Variants in TMEM135 observed in about 807,000 individuals in gnomAD.
TMEM135 encodes the protein transmembrane protein 135, also known as peroxisomal membrane protein 52.
TMEM135 carries 30 observed loss-of-function variants against 60.3 expected under a neutral mutation model. The ratio of observed to expected loss-of-function variants is 0.50; its 90% CI spans 0.37 to 0.68. The LOEUF is 0.68. Among genes scored for constraint, TMEM135 ranks in the 30% least tolerant of loss-of-function variants. The probability of loss-of-function intolerance (pLI) is 0.00; values close to 1 mark genes in which losing one functional copy is unlikely to be tolerated. For synonymous variants in TMEM135, 190 were observed against 186.7 expected, an observed-to-expected ratio of 1.02 and a Z score of -0.14; for missense variants, 468 against 548.8, an observed-to-expected ratio of 0.85 and a Z score of 1.47.
chr11:87,099,702 T>TTTTTTTGG, intron 4 of TMEM135, among the ~76,000 whole-genome samples: 1 of 121,850 alleles, frequency 8.2e-6, no homozygotes, highest in Non-Finnish European at 1.6e-5. Flanking sequence ...TTTTTTTTTT[T>TTTTTTTGG]GAGGCAGAGT....
chr11:87,110,701 C>T (rs1333091904), intron 4 of TMEM135, among the ~76,000 whole-genome samples: 1 of 151,714 alleles, frequency 6.6e-6, no homozygotes, highest in East Asian at 1.9e-4. Context: ...ATGTTTTTTT[C>T]GTAACATTCT....
intron 5 of TMEM135, among the ~76,000 whole-genome samples, chr11:87,212,401 A>G (rs1940391274): frequency 6.6e-6 from 1 of 152,214 alleles, no homozygotes; most frequent in African/African-American, 2.4e-5. Flanking sequence ...ACAGTTGAAT[A>G]TATTAATAAT....
chr11:87,222,010 C>T (rs1940629809), intron 5 of TMEM135, among the ~76,000 whole-genome samples: 2 of 151,120 alleles, frequency 1.3e-5, no homozygotes, highest in African/African-American at 2.4e-5. Context: ...ATCGAAACCC[C>T]GTCTCTACTA....
intron 1 of TMEM135, among the ~76,000 whole-genome samples, chr11:87,066,105 TG>T (rs754814878): frequency 2.6e-5 from 4 of 152,214 alleles, no homozygotes; most frequent in Non-Finnish European, 5.9e-5. Context: ...TTAGATTTGT[TG>T]ATCACTGACT....
At chr11:87,290,969 A>G (rs1163063859) in intron 6 of TMEM135, among the ~76,000 whole-genome samples, 3 of 152,226 alleles carry the variant, frequency 2.0e-5, no homozygotes, top group Admixed American at 2.0e-4. Flanking sequence ...AAAGAATGTG[A>G]TTAGGATAAA....
intron 4 of TMEM135, among the ~76,000 whole-genome samples, chr11:87,112,156 A>G (rs1388710424): frequency 1.3e-5 from 2 of 152,210 alleles, no homozygotes; most frequent in Non-Finnish European, 2.9e-5. Context: ...ATAAAAATTT[A>G]GCACTACTAT....
chr11:87,090,223 A>C (rs1857178320), intron 3 of TMEM135, among the ~76,000 whole-genome samples: 1 of 152,058 alleles, frequency 6.6e-6, no homozygotes, highest in Non-Finnish European at 1.5e-5. Flanking sequence ...TTCTTTAATA[A>C]TTTTTATGTT....
rs1008524200 is a variant in TMEM135 at position 87,323,578 on chromosome 11, T to C, written c.*2245T>C. On this transcript the variant is annotated 3_prime_UTR_variant, in exon 15 of 15. Transcript: ENST00000305494. ...TCCTGAAGAAATGGTAAGTTTTCAC[T>C]GGAACTGATTACAGTAAACAATAAT... 1.1e-5 allele frequency: 5 copies of C among 453,416 alleles called. No homozygotes were observed. Among genetic ancestry groups the C allele is most frequent in the South Asian group, 6.2e-5 (4 of 64,230 alleles). 28.1% of individuals were successfully genotyped at this position (453,416 alleles called of 1,614,324 possible). A position where few individuals can be genotyped will look rare whatever the true frequency, so the allele number is the denominator to read the frequency against.
intron 6 of TMEM135, among the ~76,000 whole-genome samples, chr11:87,248,209 G>A (rs628681): frequency 0.73 from 110,499 of 151,948 alleles, 40,667 homozygotes; most frequent in African/African-American, 0.77. Context: ...TCTTTTGGGA[G>A]TACACCTAGC....
chr11:87,134,521 C>T (rs1938036835), intron 4 of TMEM135, among the ~76,000 whole-genome samples: 1 of 152,202 alleles, frequency 6.6e-6, no homozygotes, highest in Non-Finnish European at 1.5e-5. Context: ...CTTGCTCTAT[C>T]ATCCAGGCTG....
intron 5 of TMEM135, among the ~76,000 whole-genome samples, chr11:87,222,936 T>C (rs954273941): frequency 1.3e-5 from 2 of 152,172 alleles, no homozygotes; most frequent in African/African-American, 4.8e-5. Context: ...CATCTTGTAG[T>C]GATAGACTGG....
intron 5 of TMEM135, among the ~76,000 whole-genome samples, chr11:87,158,977 C>T (rs1015133121): frequency 5.3e-5 from 8 of 152,092 alleles, no homozygotes; most frequent in African/African-American, 1.9e-4. Flanking sequence ...GGGCAATGAA[C>T]TGTTGAACTT....
At chr11:87,091,289 A>T (rs953058174) in intron 3 of TMEM135, 73 bp from the exon 4 acceptor site, 1 of 1,303,766 alleles carries the variant, frequency 7.7e-7, no homozygotes, top group African/African-American at 1.5e-5. Flanking sequence ...CTTTTTATAG[A>T]CTTCTAATAA....
intron 1 of TMEM135, among the ~76,000 whole-genome samples, chr11:87,064,261 CCT>C (rs1856601154): frequency 2.6e-5 from 3 of 117,632 alleles, no homozygotes; most frequent in African/African-American, 1.0e-4. Flanking sequence ...GCGAATGACT[CCT>C]TTTTTTTTTT....
At chr11:87,053,677 T>C (rs1324463055) in intron 1 of TMEM135, among the ~76,000 whole-genome samples, 1 of 152,208 alleles carries the variant, frequency 6.6e-6, no homozygotes, top group Non-Finnish European at 1.5e-5. Context: ...ACTGGGCACA[T>C]AGAATGCCTA....
At chr11:87,180,766 AG>A (rs1939494277) in intron 5 of TMEM135, among the ~76,000 whole-genome samples, 1 of 152,198 alleles carries the variant, frequency 6.6e-6, no homozygotes, top group African/African-American at 2.4e-5. Context: ...TGAAGCTAAC[AG>A]GGTTGATTGT....
intron 6 of TMEM135, among the ~76,000 whole-genome samples, chr11:87,272,707 C>T (rs1394226673): frequency 6.6e-6 from 1 of 152,138 alleles, no homozygotes; most frequent in African/African-American, 2.4e-5. Context: ...AGCAATTCTC[C>T]TGTTTCAGCC....
At chr11:87,252,556 T>A (rs903223240) in intron 6 of TMEM135, among the ~76,000 whole-genome samples, 16 of 152,194 alleles carry the variant, frequency 1.1e-4, no homozygotes, top group Non-Finnish European at 2.1e-4. Flanking sequence ...GTAGATCACC[T>A]GAGGTCAGGA....
intron 4 of TMEM135, among the ~76,000 whole-genome samples, chr11:87,107,832 ACCACACTATCTT>A: frequency 6.6e-6 from 1 of 152,242 alleles, no homozygotes; most frequent in South Asian, 2.1e-4. Flanking sequence ...TTGAGGAATC[ACCACACTATCTT>A]CCACAATGGT....
Sources: allele counts gnomAD v4.1 joint callset (sites outside exome capture counted in the v4.1 genomes callset), GRCh38; gene constraint gnomAD v4.1.1; transcripts MANE v1.5; gene names NCBI Gene and HGNC (gene_info 2026-07-23, HGNC 2026-07-21).